LIPE: variants seen among roughly 807,000 people sequenced by gnomAD.
LIPE encodes the protein hormone-sensitive lipase.
In LIPE, 66 loss-of-function variants were observed where a neutral mutation model predicts 88.5. The observed-to-expected ratio is 0.75, with a 90% CI of 0.61 to 0.91. The LOEUF (loss-of-function observed/expected upper bound fraction) is 0.91, where lower values mean the gene tolerates loss of function less well. Ranked by LOEUF, LIPE falls within the 40% of genes least tolerant of loss-of-function variation. The probability of loss-of-function intolerance (pLI) is 0.00; values close to 1 mark genes in which losing one functional copy is unlikely to be tolerated. For synonymous variants in LIPE, 570 were observed against 617.5 expected (o/e 0.92, Z 1.14); for missense variants, 1,346 against 1,434.7 (o/e 0.94, Z 1.00).
Position 42,405,386 on chromosome 19 carries a change from T to C in LIPE, c.2541A>G (p.Ala847=). Residue 847 remains alanine (A), a splice_region_variant and synonymous_variant, in exon 8 of 10, where the codon GCA becomes GCG. Transcript: ENST00000244289. The part of the protein sequence containing the change: ...RKSQKMSEPI[A]EPMRRSVSEA... ...ATGTGACGGGAGTGAATCACTCACCTGCTATGGGCTCCGACATCTTCTGGG... is the reference window on the plus strand; with the variant it reads ...ATGTGACGGGAGTGAATCACTCACCCGCTATGGGCTCCGACATCTTCTGGG... 1 of 1,612,678 alleles carries C rather than the reference T, an allele frequency of 6.2e-7. No individual in the cohort carries two copies. Among genetic ancestry groups the C allele is most frequent in the Non-Finnish European group, 8.5e-7 (1 of 1,179,748 alleles).
At chr19:42,405,052 G>C (rs1414385483) in intron 8 of LIPE, among the ~76,000 whole-genome samples, 6 of 151,992 alleles carry the variant, frequency 3.9e-5, no homozygotes, top group African/African-American at 9.7e-5. Flanking sequence ...TTTTTTTGTA[G>C]AGAAGGGGTT....
chr19:42,416,132 C>T (rs897285115), intron 1 of LIPE, among the ~76,000 whole-genome samples: 7 of 151,878 alleles, frequency 4.6e-5, no homozygotes, highest in Non-Finnish European at 1.0e-4. Flanking sequence ...CACCTGAGGT[C>T]GGGAGTTTGA....
Position 42,426,819 on chromosome 19 carries a change from C to A in LIPE, c.331G>T (p.Ala111Ser), listed in dbSNP as rs779346990. ...AGCCCAGGTCCCTGCTGGGAGGCAG[C>A]TTCCTGTTGAGTGAGCAGCACCCTT... ...IQRVLLTQQE[A>S]ASQQGPGLGK... Residue 111 changes from alanine (A) to serine (S), a missense_variant, in exon 1 of 10, where the codon GCT becomes TCT. Coordinates refer to ENST00000244289, the MANE Select transcript of LIPE (RefSeq NM_005357.4). The A allele has an allele frequency of 1.4e-5, 22 of 1,614,094 alleles. No individual in the cohort carries two copies. Among genetic ancestry groups the A allele is most frequent in the Non-Finnish European group, 1.9e-5 (22 of 1,180,032 alleles).
Position 42,408,440 on chromosome 19 carries a change from CCTA to C in LIPE, c.1420-121_1420-119del. On this transcript the variant is annotated intron_variant, in intron 2 of 9. Transcript: ENST00000244289. This position sits in a 1 kb window ranked among gnomAD's most constrained non-coding sequence, Gnocchi z 4.3. The stretch of plus-strand genomic sequence containing the variant: ...TCATTCAGTAAACGTTTCATGAGCT[CCTA>C]CTGTGTGCTGGGCATAGCTCTCGGC... 1.2e-6 allele frequency: 1 copy of C among 811,068 alleles called. No individual in the cohort carries two copies. Among genetic ancestry groups the C allele is most frequent in the Non-Finnish European group, 2.1e-6 (1 of 476,176 alleles). The allele number at this position is 811,068 out of a possible 1,614,324, so 50.2% of individuals were successfully genotyped here. A position where few individuals can be genotyped will look rare whatever the true frequency, so the allele number is the denominator to read the frequency against.
intron 9 of LIPE, 54 bp downstream of exon 9, chr19:42,402,553 C>T (rs959857974): frequency 9.3e-6 from 13 of 1,403,520 alleles, no homozygotes; most frequent in Non-Finnish European, 1.2e-5. Context: ...CCCTCCTCCC[C>T]GGGTGCCCTG....
chr19:42,423,370 A>AG, intron 1 of LIPE: 3 of 1,261,520 alleles, frequency 2.4e-6, no homozygotes, highest in Middle Eastern at 2.2e-4. Flanking sequence ...ACTGCCCCGT[A>AG]GGATGTACGA....
chr19:42,415,233 A>G (rs1160741838), intron 1 of LIPE, among the ~76,000 whole-genome samples: 1 of 152,200 alleles, frequency 6.6e-6, no homozygotes, highest in Non-Finnish European at 1.5e-5. Context: ...GTCTGTCTCA[A>G]ATAAATGAAA....
intron 2 of LIPE, among the ~76,000 whole-genome samples, chr19:42,409,400 CA>C (rs760628566): frequency 0.036 from 2,610 of 72,936 alleles, 71 homozygotes; most frequent in Admixed American, 0.12. Context: ...AAACAAAATA[CA>C]AAAAAAAAAA....
rs45603141 is a variant in LIPE at position 42,406,302 on chromosome 19, C to T, written c.2224G>A (p.Gly742Arg). The change falls in exon 7 of 10, where the codon GGG (glycine) becomes AGG (arginine). Residue 742 changes from glycine (G) to arginine (R), a missense_variant. Transcript: ENST00000244289. The surrounding 1 kb of genome is among the most constrained non-coding windows in gnomAD (Gnocchi z 5.7). ...FTVALRAAAY[G>R]VRVPDGIMAA... is the part of the protein sequence containing the mutation. ...ATGATGCCATCTGGCACCCGCACCC[C>T]GTAGGCTGCTGCCCGAAGAGCCACG... The T allele has an allele frequency of 1.3e-3, 2,044 of 1,614,102 alleles. 18 individuals are homozygous for T. Among genetic ancestry groups the T allele is most frequent in the Admixed American group, 1.3e-3 (81 of 60,026 alleles).
rs1305627509 is a variant in LIPE at position 42,407,207 on chromosome 19, A to C, written c.2104T>G (p.Tyr702Asp). ...PRALEECFFA[Y>D]CWAIKHCALL... ...GCGCAGTGCTTGATGGCCCAGCAGT[A>C]GGCGAAGAAGCACTCCTCCAGCGCA... Residue 702 changes from tyrosine (Y) to aspartate (D), a missense_variant, in exon 6 of 10, where the codon TAC (tyrosine) becomes GAC (aspartate). By Grantham distance (160) the Tyr-to-Asp change is radical (BLOSUM62 -3). Coordinates refer to ENST00000244289, the MANE Select transcript of LIPE (RefSeq NM_005357.4). This position sits in a 1 kb window ranked among gnomAD's most constrained non-coding sequence, Gnocchi z 5.8. 6.5e-7 allele frequency: 1 copy of C among 1,545,080 alleles called. No individual in the cohort carries two copies. Among genetic ancestry groups the C allele is most frequent in the African/African-American group, 1.4e-5 (1 of 73,266 alleles).
chr19:42,420,465 T>C (rs1458742038), intron 1 of LIPE, among the ~76,000 whole-genome samples: 1 of 152,156 alleles, frequency 6.6e-6, no homozygotes, highest in Admixed American at 6.6e-5. Context: ...GGCGTGTTTG[T>C]TTATGTATGA....
Position 42,407,123 on chromosome 19 carries a change from G to A in LIPE, c.2137+51C>T. 7.0e-7 allele frequency: 1 copy of A among 1,437,464 alleles called. No individual in the cohort carries two copies. Among genetic ancestry groups the A allele is most frequent in the Non-Finnish European group, 9.2e-7 (1 of 1,092,052 alleles). The allele number at this position is 1,437,464 out of a possible 1,614,324, so 89.0% of individuals were successfully genotyped here. On this transcript the variant is annotated intron_variant, in intron 6 of 9. Transcript: ENST00000244289. This position sits in a 1 kb window ranked among gnomAD's most constrained non-coding sequence, Gnocchi z 5.8. Reference sequence around the variant, plus strand: ...CTGAGGCTGGAGGAGCTTAAAGCAAGCTGGGTGGGATGGGAGCAGGCGCAG... The same window carrying A: ...CTGAGGCTGGAGGAGCTTAAAGCAAACTGGGTGGGATGGGAGCAGGCGCAG...
Position 42,426,367 on chromosome 19 carries a change from G to T in LIPE, c.783C>A (p.Gly261=). 6.2e-7 allele frequency: 1 copy of T among 1,613,934 alleles called. No individual in the cohort carries two copies. Among genetic ancestry groups the T allele is most frequent in the Non-Finnish European group, 8.5e-7 (1 of 1,179,952 alleles). The change falls in exon 1 of 10, where the codon GGC becomes GGA. Residue 261 remains glycine (G), a synonymous_variant. Transcript: ENST00000244289. The stretch of plus-strand genomic sequence containing the variant: ...CTTTATAACCAGATTTTCCTTTGAA[G>T]CCTAGCTTCACTCCCTGGGCCACCA... ...GGMVAQGVKL[G]FKGKSGYKVM...
In LIPE at chr19:42,402,971, G is replaced by A. The variant is rs2040036273; in HGVS notation, c.2603C>T (p.Thr868Met). ...ALAQPQGPLG[T>M]DSLKNLTLRD... is the part of the protein sequence containing the mutation. ...CAGGGTCAGGTTCTTGAGGGAATCC[G>A]TGCCCAGTGGGCCCTGGGGCTGGGC... The change falls in exon 9 of 10, where the codon ACG (threonine) becomes ATG (methionine). Residue 868 changes from threonine (T) to methionine (M), a missense_variant. Physicochemically the swap from Thr to Met is moderately conservative, Grantham distance 81 (BLOSUM62 -1). Transcript: ENST00000244289. The A allele has an allele frequency of 2.5e-6, 4 of 1,604,276 alleles. No individual in the cohort carries two copies. The highest frequency in any genetic ancestry group is 2.7e-5 in the African/African-American group (2 of 74,864).
chr19:42,423,615 A>G (rs1479952128), intron 1 of LIPE: 2 of 1,189,782 alleles, frequency 1.7e-6, no homozygotes, highest in Non-Finnish European at 2.1e-6. Context: ...GCTACACACT[A>G]CTGTCGGGCC....
intron 1 of LIPE, among the ~76,000 whole-genome samples, chr19:42,415,156 C>T (rs531702676): frequency 1.4e-4 from 22 of 151,772 alleles, no homozygotes; most frequent in African/African-American, 5.1e-4. Context: ...CGCTTGAACC[C>T]GGGAGGTGGA....
At position 42,401,797 on chromosome 19, in the gene LIPE, G is replaced by A. The variant is rs2039978012; in HGVS notation, c.*15C>T. The A allele has an allele frequency of 7.5e-6, 11 of 1,461,562 alleles. No homozygotes were observed. In the East Asian group the frequency reaches 2.7e-4, roughly 36 times the overall value. 90.5% of individuals were successfully genotyped at this position (1,461,562 alleles called of 1,614,324 possible). A position where few individuals can be genotyped will look rare whatever the true frequency, so the allele number is the denominator to read the frequency against. ...ATTCATGACGGAGGCCGGCGCAGAT[G>A]GGAACAACAGGCTTTTAGTGTCGCC... is the stretch of plus-strand genomic sequence containing the variant. On this transcript the variant is annotated 3_prime_UTR_variant, in exon 10 of 10. Coordinates refer to ENST00000244289, the MANE Select transcript of LIPE (RefSeq NM_005357.4).
chr19:42,416,292 C>T (rs923005891), intron 1 of LIPE, among the ~76,000 whole-genome samples: 14 of 151,934 alleles, frequency 9.2e-5, no homozygotes, highest in Admixed American at 7.2e-4. Context: ...TGCAGTGAGC[C>T]GAGATCGTGC....
At position 42,408,025 on chromosome 19, in the gene LIPE, A is replaced by G; in HGVS notation, c.1607T>C (p.Val536Ala). Residue 536 changes from valine (V) to alanine (A), a missense_variant, in exon 4 of 10, where the codon GTG becomes GCG. Val to Ala is a moderately conservative substitution (Grantham distance 64, BLOSUM62 0). Coordinates refer to ENST00000244289, the MANE Select transcript of LIPE (RefSeq NM_005357.4). The surrounding 1 kb of genome is among the most constrained non-coding windows in gnomAD (Gnocchi z 4.3). ...EFERITQNLDVHFWKAFWNIT... is the reference protein window; with the variant it reads ...EFERITQNLDAHFWKAFWNIT... The stretch of plus-strand genomic sequence containing the variant: ...GTTCCAGAAGGCTTTCCAGAAGTGC[A>G]CGTCCAGGTTCTGTGTGATCCGCTC... The G allele has an allele frequency of 1.2e-6, 2 of 1,613,846 alleles. No individual in the cohort carries two copies. The highest frequency in any genetic ancestry group is 1.1e-5 in the South Asian group (1 of 91,076).
Sources: gnomAD v4.1 joint callset for allele counts (sites outside exome capture counted in the v4.1 genomes callset) on GRCh38, gnomAD v4.1.1 for gene constraint, Gnocchi (gnomAD v3.1) non-coding constraint, MANE v1.5 for transcripts, NCBI Gene and HGNC (gene_info 2026-07-23, HGNC 2026-07-21) for gene names.